The following DPYSL3 variants were observed in gnomAD, a reference collection of about 807,000 sequenced individuals.
DPYSL3 encodes the protein dihydropyrimidinase like 3.
A neutral mutation model predicts 66.1 loss-of-function variants in DPYSL3; 16 were observed. The observed-to-expected ratio is 0.24, with a 90% CI of 0.16 to 0.37. The LOEUF (loss-of-function observed/expected upper bound fraction) is 0.37, where lower values mean the gene tolerates loss of function less well. Among genes scored for constraint, DPYSL3 ranks in the 10% least tolerant of loss-of-function variants. The probability of loss-of-function intolerance (pLI) is 1.00; values close to 1 mark genes in which losing one functional copy is unlikely to be tolerated. For synonymous variants in DPYSL3, 338 were observed against 345.1 expected, an observed-to-expected ratio of 0.98 and a Z score of 0.23; for missense variants, 738 against 916.2, an observed-to-expected ratio of 0.81 and a Z score of 2.51.
chr5:147,465,427 G>C (rs1581207696), intron 1 of DPYSL3, among the ~76,000 whole-genome samples: 2 of 152,054 alleles, frequency 1.3e-5, no homozygotes, highest in Non-Finnish European at 2.9e-5. Flanking sequence ...AGCCTCCCAA[G>C]TAGCTGGGAA....
chr5:147,484,277 C>T (rs530810681), intron 1 of DPYSL3, among the ~76,000 whole-genome samples: 28 of 152,324 alleles, frequency 1.8e-4, no homozygotes, highest in African/African-American at 6.5e-4. Context: ...ATTTATGTCT[C>T]GCTGAGGGCT....
At chr5:147,492,051 G>C (rs955385174) in intron 1 of DPYSL3, among the ~76,000 whole-genome samples, 3 of 151,922 alleles carry the variant, frequency 2.0e-5, no homozygotes, top group Admixed American at 6.6e-5. Context: ...GAAGCCATAG[G>C]GGGGGAAATA....
rs1236776184 is a variant in DPYSL3 at position 147,509,892 on chromosome 5, T to C, written c.-34A>G. The C allele has an allele frequency of 6.1e-6, 9 of 1,477,950 alleles. No homozygotes were observed. Among genetic ancestry groups the C allele is most frequent in the Non-Finnish European group, 1.8e-6 (2 of 1,113,956 alleles). 91.6% of individuals were successfully genotyped at this position (1,477,950 alleles called of 1,614,324 possible). The stretch of plus-strand genomic sequence containing the variant: ...CACGAAAGCGGCCCGCGGGTTTTTC[T>C]TCCCCAGAGGCGGAAAGGGCAGCCG... On this transcript the variant is annotated 5_prime_UTR_variant, in exon 1 of 14. Coordinates refer to ENST00000343218, the MANE Select transcript of DPYSL3 (RefSeq NM_001197294.2). This position sits in a 1 kb window ranked among gnomAD's most constrained non-coding sequence, Gnocchi z 5.3.
At chr5:147,489,375 G>T (rs549487583) in intron 1 of DPYSL3, among the ~76,000 whole-genome samples, 1 of 152,166 alleles carries the variant, frequency 6.6e-6, no homozygotes, top group South Asian at 2.1e-4. Context: ...GCACAGGGGC[G>T]TATGGAAAGC....
intron 1 of DPYSL3, among the ~76,000 whole-genome samples, chr5:147,436,760 A>G (rs1752420809): frequency 6.6e-6 from 1 of 152,248 alleles, no homozygotes; most frequent in Non-Finnish European, 1.5e-5. Context: ...TCAATCAACT[A>G]AGTAACTGAA....
intron 1 of DPYSL3, among the ~76,000 whole-genome samples, chr5:147,500,518 G>A (rs1753586991): frequency 6.6e-6 from 1 of 151,558 alleles, no homozygotes; most frequent in Non-Finnish European, 1.5e-5. Context: ...GGAGGCTGAG[G>A]CAGGAGAATC....
Position 147,397,837 on chromosome 5 carries a change from C to T in DPYSL3, c.1632G>A (p.Glu544=), listed in dbSNP as rs1363908220. 1.9e-6 allele frequency: 3 copies of T among 1,604,014 alleles called. No individual in the cohort carries two copies. The African/African-American group carries it at 4.0e-5, about 21-fold the overall frequency. Residue 544 remains glutamate, a synonymous_variant, in exon 12 of 14, where the codon GAG becomes GAA. Coordinates refer to ENST00000343218, the MANE Select transcript of DPYSL3 (RefSeq NM_001197294.2). ...GCTCCATCCCTTCAAAGATGTTGTA[C>T]TCTGCCGCCTAGAGGCAGGGGTGAG... ...VSAKNHQSAA[E]YNIFEGMELR...
intron 1 of DPYSL3, among the ~76,000 whole-genome samples, chr5:147,495,222 CA>C: frequency 6.6e-6 from 1 of 152,268 alleles, no homozygotes; most frequent in South Asian, 2.1e-4. Flanking sequence ...GCATTACTGT[CA>C]CATTAAAATC....
chr5:147,478,516 C>T (rs1331231237), intron 1 of DPYSL3, among the ~76,000 whole-genome samples: 4 of 152,162 alleles, frequency 2.6e-5, no homozygotes, highest in African/African-American at 4.8e-5. Flanking sequence ...ACATGCACTC[C>T]GTATGACCCT....
At chr5:147,455,027 T>A (rs1203281913) in intron 1 of DPYSL3, among the ~76,000 whole-genome samples, 2 of 152,240 alleles carry the variant, frequency 1.3e-5, no homozygotes, top group African/African-American at 4.8e-5. Context: ...AATCTTAATG[T>A]TCTATTAAAT....
chr5:147,455,008 C>G (rs1752819409), intron 1 of DPYSL3, among the ~76,000 whole-genome samples: 1 of 152,114 alleles, frequency 6.6e-6, no homozygotes, highest in Admixed American at 6.6e-5. Flanking sequence ...CCACCGCTCC[C>G]CAATTGTCAA....
chr5:147,398,808 T>C (rs1385071448), intron 11 of DPYSL3, among the ~76,000 whole-genome samples: 1 of 152,216 alleles, frequency 6.6e-6, no homozygotes, highest in Non-Finnish European at 1.5e-5. Context: ...CACCAGGTCA[T>C]GTTCCCCTGT....
At chr5:147,415,062 A>G (rs1751934076) in intron 4 of DPYSL3, among the ~76,000 whole-genome samples, 1 of 152,188 alleles carries the variant, frequency 6.6e-6, no homozygotes, top group Non-Finnish European at 1.5e-5. Context: ...TTGATCAAAA[A>G]GAAGCAGAGA....
At chr5:147,490,111 C>T (rs952719494) in intron 1 of DPYSL3, among the ~76,000 whole-genome samples, 1 of 152,074 alleles carries the variant, frequency 6.6e-6, no homozygotes, top group Admixed American at 6.6e-5. Context: ...CTTCTGATGC[C>T]TCAACTGCCT....
intron 1 of DPYSL3, among the ~76,000 whole-genome samples, chr5:147,499,029 G>A (rs1753564213): frequency 6.6e-6 from 1 of 152,036 alleles, no homozygotes; most frequent in Non-Finnish European, 1.5e-5. Flanking sequence ...TGCCTAGGTT[G>A]TCTCCCAGGG....
intron 1 of DPYSL3, among the ~76,000 whole-genome samples, chr5:147,459,175 G>A (rs1350113961): frequency 1.3e-5 from 2 of 151,734 alleles, no homozygotes; most frequent in South Asian, 2.1e-4. Flanking sequence ...TTAAAATAAG[G>A]ACCTAGCCAT....
intron 1 of DPYSL3, among the ~76,000 whole-genome samples, chr5:147,448,033 T>C (rs531734032): frequency 9.2e-5 from 14 of 152,288 alleles, no homozygotes; most frequent in Non-Finnish European, 4.4e-5. Flanking sequence ...CAAATGGCCC[T>C]ATAAAATATG....
At chr5:147,402,144 T>C (rs1168393063) in intron 8 of DPYSL3, 2 of 160,152 alleles carry the variant, frequency 1.2e-5, no homozygotes, top group East Asian at 3.8e-4. Flanking sequence ...TGAAAAGATA[T>C]GGCATACGTG....
At chr5:147,422,636 T>C (rs1251972894) in intron 2 of DPYSL3, among the ~76,000 whole-genome samples, 1 of 151,778 alleles carries the variant, frequency 6.6e-6, no homozygotes, top group Non-Finnish European at 1.5e-5. Flanking sequence ...ATAAGGAAAA[T>C]GTGGCACATA....
Sources: allele counts gnomAD v4.1 joint callset (sites outside exome capture counted in the v4.1 genomes callset), GRCh38; gene constraint gnomAD v4.1.1; non-coding constraint Gnocchi (gnomAD v3.1); transcripts MANE v1.5; gene names NCBI Gene and HGNC (gene_info 2026-07-23, HGNC 2026-07-21).